Variants in SLC49A3 observed in about 807,000 individuals in gnomAD.
The protein encoded by SLC49A3 is solute carrier family 49 member 3, also known as solute carrier family 49 member A3.
A neutral mutation model predicts 43.8 loss-of-function variants in SLC49A3; 50 were observed. That is an observed-to-expected ratio of 1.14 (90% CI 0.91 to 1.45). The LOEUF (loss-of-function observed/expected upper bound fraction) is 1.45, where lower values mean the gene tolerates loss of function less well. Among genes scored for constraint, SLC49A3 ranks in the 40% most tolerant of loss-of-function variants. The pLI is 0.00. For synonymous variants in SLC49A3, 413 were observed against 352.0 expected (o/e 1.17, Z -1.94); for missense variants, 906 against 774.1 (o/e 1.17, Z -2.02).
downstream of SLC49A3, among the ~76,000 whole-genome samples, chr4:681,497 C>A (rs541021398): frequency 1.3e-5 from 2 of 150,378 alleles, no homozygotes; most frequent in African/African-American, 2.4e-5. Flanking sequence ...CGGGCCACCC[C>A]TCAGGACCCC....
chr4:684,098 C>G (rs949540631), intron 6 of SLC49A3, among the ~76,000 whole-genome samples: 5 of 152,230 alleles, frequency 3.3e-5, no homozygotes, highest in South Asian at 4.1e-4. Flanking sequence ...AGGGCCAGCT[C>G]GGAGATATGC....
chr4:687,501 A>C (rs1456996508), intron 1 of SLC49A3, among the ~76,000 whole-genome samples: 3 of 152,174 alleles, frequency 2.0e-5, no homozygotes, highest in African/African-American at 7.2e-5. Context: ...CGAGCTCCCC[A>C]GGCCCAGCTG....
rs1577347374 is a variant in SLC49A3 at position 682,491 on chromosome 4, C to T, written c.1262-115G>A. 22 of 1,126,256 alleles carry T rather than the reference C, an allele frequency of 2.0e-5. 1 individual carries two copies. The South Asian group carries it at 3.6e-4, about 19-fold the overall frequency. The allele number at this position is 1,126,256 out of a possible 1,614,324, so 69.8% of individuals were successfully genotyped here. A position where few individuals can be genotyped will look rare whatever the true frequency, so the allele number is the denominator to read the frequency against. On this transcript the variant is annotated intron_variant, in intron 9 of 9. Transcript: ENST00000322224. ...CCCTTGACCACAGAGTGACCCCAGA[C>T]GGAGAGCCCACTCGCAGCTCTTGAC... is the stretch of plus-strand genomic sequence containing the variant.
chr4:681,029 C>T (rs1739425920), downstream of SLC49A3: 11 of 1,541,698 alleles, frequency 7.1e-6, no homozygotes, highest in Non-Finnish European at 9.7e-6. Flanking sequence ...AGCACCTGAG[C>T]CCCACCGAGA....
chr4:683,901 C>G lies in SLC49A3; in HGVS notation c.841-140G>C, dbSNP rs1303725853. On this transcript the variant is annotated intron_variant, in intron 6 of 9. Coordinates refer to ENST00000322224, the MANE Select transcript of SLC49A3 (RefSeq NM_032219.4). ...AGCAACACAGCTTCCAGACGCACCG[C>G]TGGCTGCCTGCGGGGTAGGGTTTCC... The G allele has an allele frequency of 1.1e-5, 13 of 1,135,152 alleles. No homozygotes were observed. The Middle Eastern group carries it at 9.3e-4, about 81-fold the overall frequency. 70.3% of individuals were successfully genotyped at this position (1,135,152 alleles called of 1,614,324 possible). A position where few individuals can be genotyped will look rare whatever the true frequency, so the allele number is the denominator to read the frequency against.
In SLC49A3 at chr4:686,607, C is replaced by G; in HGVS notation, c.219G>C (p.Leu73=). 1 of 1,613,298 alleles carries G rather than the reference C, an allele frequency of 6.2e-7. No individual in the cohort carries two copies. Among genetic ancestry groups the G allele is most frequent in the Admixed American group, 1.7e-5 (1 of 60,022 alleles). The change falls in exon 2 of 10, where the codon CTG becomes CTC. Residue 73 remains leucine (L), a synonymous_variant. Coordinates refer to ENST00000322224, the MANE Select transcript of SLC49A3 (RefSeq NM_032219.4). ...LSMEQINWLS[L]VYLVVSTPFG... is the part of the protein sequence containing the mutation. ...ATGGGGTGGATACCACGAGGTAGAC[C>G]AGTGACAGCCAGTTGATCTGCTCCA...
Position 686,259 on chromosome 4 carries a change from CGTAGCA to C in SLC49A3, c.332_337del (p.Val111_Arg113delinsGly). ...CCCAACAACCATGCAGGGCACCATG[CGTAGCA>C]CACTCCCGGCAAAGTTCAGCCACGC... On this transcript the variant is annotated inframe_deletion, in exon 3 of 10. Coordinates refer to ENST00000322224, the MANE Select transcript of SLC49A3 (RefSeq NM_032219.4). The C allele has an allele frequency of 6.2e-7, 1 of 1,613,468 alleles. No homozygotes were observed. The highest frequency in any genetic ancestry group is 8.5e-7 in the Non-Finnish European group (1 of 1,180,024).
At position 683,317 on chromosome 4, in the gene SLC49A3, C is replaced by T; in HGVS notation, c.1044G>A (p.Leu348=). Residue 348 remains leucine (L), a synonymous_variant, in exon 8 of 10, where the codon CTG becomes CTA. Coordinates refer to ENST00000322224, the MANE Select transcript of SLC49A3 (RefSeq NM_032219.4). ...CCACCGAGAAGCCAAACAGCCCGAG[C>T]AGCGAGCAGGTGGCAGCCAGGGCAA... is the stretch of plus-strand genomic sequence containing the variant. The part of the protein sequence containing the change: ...QTLALAATCS[L]LGLFGFSVGP... The T allele has an allele frequency of 1.2e-6, 2 of 1,612,532 alleles. No individual in the cohort carries two copies. The highest frequency in any genetic ancestry group is 8.5e-7 in the Non-Finnish European group (1 of 1,179,774).
upstream of SLC49A3, chr4:689,244 G>T (rs187030939): frequency 7.3e-5 from 46 of 627,950 alleles, no homozygotes; most frequent in Admixed American, 1.4e-4. Context: ...GCCGGGCCAC[G>T]GGGGGCCAGT....
downstream of SLC49A3, among the ~76,000 whole-genome samples, chr4:679,534 G>A (rs1553822313): frequency 6.6e-6 from 1 of 152,206 alleles, no homozygotes; most frequent in Non-Finnish European, 1.5e-5. Context: ...CCTCTGACCT[G>A]AGGCAGGAGG....
downstream of SLC49A3, chr4:680,116 AGAAGCCCTAGGGCCTGGCACTCTGGG>A: frequency 8.3e-7 from 1 of 1,207,310 alleles, no homozygotes; most frequent in Non-Finnish European, 1.2e-6. Context: ...CAATCTCTGG[AGAAGCCCTAGGGCCTGGCACTCTGGG>A]AGCCAACAAC....
Position 682,297 on chromosome 4 carries a change from G to A in SLC49A3, c.1341C>T (p.Arg447=). 7.4e-7 allele frequency: 1 copy of A among 1,353,428 alleles called. No homozygotes were observed. The highest frequency in any genetic ancestry group is 9.6e-7 in the Non-Finnish European group (1 of 1,043,272). The allele number at this position is 1,353,428 out of a possible 1,614,324, so 83.8% of individuals were successfully genotyped here. The change falls in exon 10 of 10, where the codon CGC becomes CGT. Residue 447 remains arginine, a synonymous_variant. Coordinates refer to ENST00000322224, the MANE Select transcript of SLC49A3 (RefSeq NM_032219.4). ...LAVFFHTPYR[R]LQAESGEPPS... is the part of the protein sequence containing the mutation. ...GGGGCTCCCCAGACTCGGCCTGCAG[G>A]CGCCGGTATGGGGTGTGGAAGAAGA...
chr4:683,586 TC>T (rs1377412666), intron 7 of SLC49A3, 22 bp downstream of exon 7: 1 of 1,585,848 alleles, frequency 6.3e-7, no homozygotes, highest in Admixed American at 1.7e-5. Flanking sequence ...CACAGGGCAG[TC>T]TTGGCTTGAG....
In SLC49A3 at chr4:682,386, C is replaced by T; in HGVS notation, c.1262-10G>A. ...ATCAGCAGCAGAGACACTGGGGACA[C>T]ATAGCACAGCTGTCCCCACAGCCAA... On this transcript the variant is annotated splice_polypyrimidine_tract_variant and intron_variant, in intron 9 of 9. Transcript: ENST00000322224. 3 of 1,330,738 alleles carry T rather than the reference C, an allele frequency of 2.3e-6. No homozygotes were observed. The highest frequency in any genetic ancestry group is 2.6e-5 in the South Asian group (1 of 38,276). The allele number at this position is 1,330,738 out of a possible 1,614,324, so 82.4% of individuals were successfully genotyped here. A position where few individuals can be genotyped will look rare whatever the true frequency, so the allele number is the denominator to read the frequency against.
chr4:683,564 C>A, intron 7 of SLC49A3, 45 bp downstream of exon 7: 2 of 1,563,590 alleles, frequency 1.3e-6, no homozygotes, highest in Non-Finnish European at 1.7e-6. Flanking sequence ...GGCCTCACCA[C>A]CCACCCACCC....
chr4:686,121 T>A lies in SLC49A3; in HGVS notation c.476A>T (p.Gln159Leu). 6.2e-7 allele frequency: 1 copy of A among 1,613,068 alleles called. No homozygotes were observed. The highest frequency in any genetic ancestry group is 8.5e-7 in the Non-Finnish European group (1 of 1,179,952). ...GGCGAGCATGTTGGCCGTGGCTCGCTGGTGCTCTGGGAACCACAAGGCAGC... is the reference window on the plus strand; with the variant it reads ...GGCGAGCATGTTGGCCGTGGCTCGCAGGTGCTCTGGGAACCACAAGGCAGC... ...KLAALWFPEH[Q>L]RATANMLATM... is the part of the protein sequence containing the mutation. Residue 159 changes from glutamine (Q) to leucine (L), a missense_variant, in exon 3 of 10, where the codon CAG becomes CTG. Gln to Leu is a moderately radical substitution (Grantham distance 113, BLOSUM62 -2). Coordinates refer to ENST00000322224, the MANE Select transcript of SLC49A3 (RefSeq NM_032219.4).
At position 682,286 on chromosome 4, in the gene SLC49A3, T is replaced by C. The variant is rs754126913; in HGVS notation, c.1352A>G (p.Glu451Gly). Residue 451 changes from glutamate (E) to glycine (G), a missense_variant, in exon 10 of 10, where the codon GAG (glutamate) becomes GGG (glycine). Transcript: ENST00000322224. ...FHTPYRRLQA[E>G]SGEPPSTRNA... ...ACGGGTGGAGGGGGGCTCCCCAGAC[T>C]CGGCCTGCAGGCGCCGGTATGGGGT... is the stretch of plus-strand genomic sequence containing the variant. 3.7e-6 allele frequency: 5 copies of C among 1,352,188 alleles called. No homozygotes were observed. The East Asian group carries it at 8.5e-5, about 23-fold the overall frequency. The allele number at this position is 1,352,188 out of a possible 1,614,324, so 83.8% of individuals were successfully genotyped here.
chr4:679,856 C>G (rs769104952), downstream of SLC49A3: 27 of 1,481,114 alleles, frequency 1.8e-5, no homozygotes, highest in African/African-American at 5.6e-5. Context: ...GGGTCACCTG[C>G]TGGTGGCACA....
At chr4:691,159 C>T (rs1236600615), upstream of SLC49A3, among the ~76,000 whole-genome samples, 2 of 151,702 alleles carry the variant, frequency 1.3e-5, no homozygotes, top group East Asian at 1.9e-4. Context: ...GTGACATGCA[C>T]CTGTAGTCCC....
Sources: allele counts gnomAD v4.1 joint callset (sites outside exome capture counted in the v4.1 genomes callset), GRCh38; gene constraint gnomAD v4.1.1; transcripts MANE v1.5; gene names NCBI Gene and HGNC (gene_info 2026-07-23, HGNC 2026-07-21).